The following CA9 variants were observed in gnomAD, a reference collection of about 807,000 sequenced individuals.
CA9 encodes the protein CA-IX.
A neutral mutation model predicts 51.8 loss-of-function variants in CA9; 43 were observed. That is an observed-to-expected ratio of 0.83 (90% CI 0.65 to 1.07). CA9 has a LOEUF of 1.07. CA9 is among the 50% of genes least tolerant of loss of function. CA9 has a pLI of 0.00. For synonymous variants in CA9, 253 were observed against 244.2 expected, an observed-to-expected ratio of 1.04 and a Z score of -0.34; for missense variants, 574 against 581.4, an observed-to-expected ratio of 0.99 and a Z score of 0.13.
chr9:35,680,627 G>A (rs1256512174), intron 9 of CA9, 126 bp from the exon 10 acceptor site: 1 of 723,078 alleles, frequency 1.4e-6, no homozygotes, highest in African/African-American at 1.7e-5. Flanking sequence ...CTCTTCTGGA[G>A]ACTGAGGCAC....
chr9:35,676,496 T>C (rs1824426585), intron 5 of CA9, 107 bp downstream of exon 5: 2 of 876,844 alleles, frequency 2.3e-6, no homozygotes, highest in Non-Finnish European at 3.6e-6. Context: ...CTCAGGCCCC[T>C]GGCTGACAAA....
chr9:35,678,796 C>A (rs779576138), intron 6 of CA9, among the ~76,000 whole-genome samples: 3 of 151,558 alleles, frequency 2.0e-5, no homozygotes, highest in Non-Finnish European at 4.4e-5. Context: ...CCAGCCTCGG[C>A]CTCCCAAAGT....
At chr9:35,678,033 G>A (rs1464241602) in intron 6 of CA9, among the ~76,000 whole-genome samples, 177 bp downstream of exon 6, 1 of 152,066 alleles carries the variant, frequency 6.6e-6, no homozygotes, top group Non-Finnish European at 1.5e-5. Flanking sequence ...ACCCGCAAAC[G>A]GCTGCCTACA....
At position 35,674,055 on chromosome 9, in the gene CA9, G is replaced by A. The variant is rs1587943205; in HGVS notation, c.96G>A (p.Leu32=). 1 of 1,614,194 alleles carries A rather than the reference G, an allele frequency of 6.2e-7. No individual in the cohort carries two copies. The highest frequency in any genetic ancestry group is 8.5e-7 in the Non-Finnish European group (1 of 1,180,038). Residue 32 remains leucine (L), a synonymous_variant, in exon 1 of 11, where the codon CTG becomes CTA. Coordinates refer to ENST00000378357, the MANE Select transcript of CA9 (RefSeq NM_001216.3). ...TVQLLLSLLL[L]VPVHPQRLPR... is the part of the protein sequence containing the mutation. Reference sequence around the variant, plus strand: ...AACTGCTGCTGTCACTGCTGCTTCTGGTGCCTGTCCATCCCCAGAGGTTGC... The same window carrying A: ...AACTGCTGCTGTCACTGCTGCTTCTAGTGCCTGTCCATCCCCAGAGGTTGC...
rs558937246 is a variant in CA9, at chr9:35,680,930, T to C, written c.1320-35T>C. The C allele has an allele frequency of 1.3e-5, 21 of 1,613,390 alleles. No individual in the cohort carries two copies. The South Asian group carries it at 2.2e-4, about 17-fold the overall frequency. On this transcript the variant is annotated intron_variant, in intron 10 of 10. Coordinates refer to ENST00000378357, the MANE Select transcript of CA9 (RefSeq NM_001216.3). ...TGCAAATGAGCTGCTCCTGGGCCAG[T>C]TTTCTGATTAGCCTTTCCTGTTGTG...
In CA9 at chr9:35,674,334, C is replaced by G. The variant is rs1375598152; in HGVS notation, c.375C>G (p.Pro125=). The change falls in exon 1 of 11, where the codon CCC becomes CCG. Residue 125 remains proline (P), a synonymous_variant. Coordinates refer to ENST00000378357, the MANE Select transcript of CA9 (RefSeq NM_001216.3). ...AGGCTCCTGGAGATCCTCAAGAACCCCAGAATAATGCCCACAGGGACAAAG... is the reference window on the plus strand; with the variant it reads ...AGGCTCCTGGAGATCCTCAAGAACCGCAGAATAATGCCCACAGGGACAAAG... ...TVEAPGDPQE[P]QNNAHRDKEG... 1.9e-6 allele frequency: 3 copies of G among 1,613,210 alleles called. No homozygotes were observed. The East Asian group carries it at 6.7e-5, about 36-fold the overall frequency.
At chr9:35,675,658 T>TGG in intron 2 of CA9, 91 bp downstream of exon 2, 68 of 1,406,620 alleles carry the variant, frequency 4.8e-5, no homozygotes, top group Non-Finnish European at 6.4e-5. Flanking sequence ...GTCCCGGGCG[T>TGG]CCCACCCGCC....
rs936887789 is a variant in CA9, at chr9:35,674,362, G to A, written c.403G>A (p.Gly135Arg). 1 of 1,605,760 alleles carries A rather than the reference G, an allele frequency of 6.2e-7. No homozygotes were observed. The highest frequency in any genetic ancestry group is 1.1e-5 in the South Asian group (1 of 90,004). The change falls in exon 1 of 11, where the codon GGG (glycine) becomes AGG (arginine). Residue 135 changes from glycine to arginine, a missense_variant and splice_region_variant. Transcript: ENST00000378357. ...GAATAATGCCCACAGGGACAAAGAA[G>A]GTAAGTGGTCATCAATCTCCAAATC... ...PQNNAHRDKE[G>R]DDQSHWRYGG...
intron 6 of CA9, among the ~76,000 whole-genome samples, 167 bp from the exon 7 acceptor site, chr9:35,679,018 T>C (rs190191508): frequency 2.5e-3 from 379 of 152,250 alleles, no homozygotes; most frequent in African/African-American, 8.1e-3. Context: ...TCCAAAGCCC[T>C]GTACTTTTTT....
In CA9 at chr9:35,680,136, G is replaced by T. The variant is rs1482633787; in HGVS notation, c.1234G>T (p.Ala412Ser). The T allele has an allele frequency of 1.2e-6, 2 of 1,614,196 alleles. No homozygotes were observed. Among genetic ancestry groups the T allele is most frequent in the South Asian group, 2.2e-5 (2 of 91,082 alleles). Reference protein sequence around the residue: ...EPVQLNSCLAAGDILALVFGL... With the variant: ...EPVQLNSCLASGDILALVFGL... ...AGTCCAGCTGAATTCCTGCCTGGCTGCTGGTGAGTCTGCCCCTCCTCTTGG... is the reference window on the plus strand; with the variant it reads ...AGTCCAGCTGAATTCCTGCCTGGCTTCTGGTGAGTCTGCCCCTCCTCTTGG... Residue 412 changes from alanine to serine, a missense_variant, in exon 9 of 11, where the codon GCT becomes TCT. Physicochemically the swap from Ala to Ser is moderately conservative, Grantham distance 99. Transcript: ENST00000378357.
In CA9 at chr9:35,675,790, G is replaced by T; in HGVS notation, c.463G>T (p.Ala155Ser). Residue 155 changes from alanine (A) to serine (S), a missense_variant, in exon 3 of 11, where the codon GCC (alanine) becomes TCC (serine). Physicochemically the swap from Ala to Ser is moderately conservative, Grantham distance 99. Coordinates refer to ENST00000378357, the MANE Select transcript of CA9 (RefSeq NM_001216.3). ...CCCGCCCTGGCCCCGGGTGTCCCCA[G>T]CCTGCGCGGGCCGCTTCCAGTCCCC... ...GDPPWPRVSPACAGRFQSPVD... is the reference protein window; with the variant it reads ...GDPPWPRVSPSCAGRFQSPVD... 6.2e-7 allele frequency: 1 copy of T among 1,602,916 alleles called. No homozygotes were observed.
chr9:35,676,237 AGGAGCGGGGC>A (rs746251968), intron 4 of CA9, 31 bp downstream of exon 4: 13 of 1,612,722 alleles, frequency 8.1e-6, no homozygotes, highest in Admixed American at 1.7e-5. Flanking sequence ...GAAGGGGCAA[AGGAGCGGGGC>A]GGAGCGGGGC....
rs765834807 is a variant in CA9 at position 35,679,245 on chromosome 9, G to A, written c.968G>A (p.Arg323His). ...GCACTCCTGCCCTCTGACTTCAGCC[G>A]CTACTTCCAATATGAGGGGTCTCTG... ...ISALLPSDFS[R>H]YFQYEGSLTT... The change falls in exon 7 of 11, where the codon CGC (arginine) becomes CAC (histidine). Residue 323 changes from arginine to histidine, a missense_variant. Physicochemically the swap from Arg to His is conservative, Grantham distance 29. Coordinates refer to ENST00000378357, the MANE Select transcript of CA9 (RefSeq NM_001216.3). 1.5e-5 allele frequency: 25 copies of A among 1,614,000 alleles called. No homozygotes were observed. The highest frequency in any genetic ancestry group is 1.5e-4 in the African/African-American group (11 of 74,910).
At chr9:35,674,553 A>C in intron 1 of CA9, 191 bp downstream of exon 1, 1 of 568,154 alleles carries the variant, frequency 1.8e-6, no homozygotes, top group East Asian at 2.9e-5. Context: ...TGGAGAGAAA[A>C]TAAAAAGGGT....
chr9:35,674,016 A>C lies in CA9; in HGVS notation c.57A>C (p.Pro19=). 6.2e-7 allele frequency: 1 copy of C among 1,613,870 alleles called. No homozygotes were observed. Among genetic ancestry groups the C allele is most frequent in the Non-Finnish European group, 8.5e-7 (1 of 1,179,880 alleles). ...CTCTGTTGATCCCGGCCCCTGCTCC[A>C]GGCCTCACTGTGCAACTGCTGCTGT... is the stretch of plus-strand genomic sequence containing the variant. ...WLPLLIPAPA[P]GLTVQLLLSL... Residue 19 remains proline (P), a synonymous_variant, in exon 1 of 11, where the codon CCA becomes CCC. Coordinates refer to ENST00000378357, the MANE Select transcript of CA9 (RefSeq NM_001216.3).
At chr9:35,680,370 C>CG (rs1004905260) in intron 9 of CA9, among the ~76,000 whole-genome samples, 3 of 152,040 alleles carry the variant, frequency 2.0e-5, no homozygotes, top group Admixed American at 6.6e-5. Flanking sequence ...ACAATCCCCC[C>CG]CCTTTTTTTA....
At chr9:35,679,069 A>T in intron 6 of CA9, 116 bp from the exon 7 acceptor site, 1 of 1,088,530 alleles carries the variant, frequency 9.2e-7, no homozygotes, top group Non-Finnish European at 1.4e-6. Flanking sequence ...CTTAGCGAAG[A>T]AGTGGTCTCA....
Position 35,680,002 on chromosome 9 carries a change from C to T in CA9, c.1210+4C>T, listed in dbSNP as rs768232317. Reference sequence around the variant, plus strand: ...AGTCCTCGGGCTGCTGAGCCAGGTACAGCTTTGTCTGGTTTCCCCCCAGCC... The same window carrying T: ...AGTCCTCGGGCTGCTGAGCCAGGTATAGCTTTGTCTGGTTTCCCCCCAGCC... On this transcript the variant is annotated splice_donor_region_variant and intron_variant, in intron 8 of 10. Transcript: ENST00000378357. The T allele has an allele frequency of 1.2e-5, 20 of 1,614,232 alleles. No individual in the cohort carries two copies. Among genetic ancestry groups the T allele is most frequent in the Non-Finnish European group, 1.6e-5 (19 of 1,180,054 alleles).
chr9:35,677,976 AGCCAGC>A lies in CA9; in HGVS notation c.907+123_907+128del, dbSNP rs1280471654. The stretch of plus-strand genomic sequence containing the variant: ...CCAGTGCAGGAGGGATTGAAGCATG[AGCCAGC>A]GCTCATCTTGATAATAACCATGAAG... On this transcript the variant is annotated intron_variant, in intron 6 of 10. Coordinates refer to ENST00000378357, the MANE Select transcript of CA9 (RefSeq NM_001216.3). The A allele has an allele frequency of 1.2e-5, 9 of 781,998 alleles. No individual in the cohort carries two copies. The African/African-American group carries it at 1.5e-4, about 13-fold the overall frequency. The allele number at this position is 781,998 out of a possible 1,614,324, so 48.4% of individuals were successfully genotyped here. A position where few individuals can be genotyped will look rare whatever the true frequency, so the allele number is the denominator to read the frequency against.
Sources: gnomAD v4.1 joint callset for allele counts (sites outside exome capture counted in the v4.1 genomes callset) on GRCh38, gnomAD v4.1.1 for gene constraint, MANE v1.5 for transcripts, NCBI Gene and HGNC (gene_info 2026-07-23, HGNC 2026-07-21) for gene names.